The following MAGI1 variants were observed in gnomAD, a reference collection of about 807,000 sequenced individuals.
MAGI1 encodes the protein membrane associated guanylate kinase, WW and PDZ domain containing 1, also known as membrane-associated guanylate kinase, WW and PDZ domain-containing protein 1.
MAGI1 carries 58 observed loss-of-function variants against 139.9 expected under a neutral mutation model. The ratio of observed to expected loss-of-function variants is 0.41; its 90% CI spans 0.34 to 0.52. The LOEUF is 0.52. Ranked by LOEUF, MAGI1 falls within the 20% of genes least tolerant of loss-of-function variation. The pLI is 0.12. For missense variants in MAGI1, 1,874 were observed against 1,901.6 expected, an observed-to-expected ratio of 0.99 and a Z score of 0.27; for synonymous variants, 812 against 737.9, an observed-to-expected ratio of 1.10 and a Z score of -1.63.
intron 2 of MAGI1, among the ~76,000 whole-genome samples, chr3:65,590,857 T>G (rs2081935997): frequency 6.6e-6 from 1 of 152,174 alleles, no homozygotes; most frequent in Non-Finnish European, 1.5e-5. Flanking sequence ...TTTTTTCACC[T>G]ATCAAACCAG....
At chr3:65,961,922 A>G (rs1276412917) in intron 1 of MAGI1, among the ~76,000 whole-genome samples, 1 of 152,162 alleles carries the variant, frequency 6.6e-6, no homozygotes, top group Non-Finnish European at 1.5e-5. Context: ...GTTAGAGCTA[A>G]GAGTCTGGGA....
chr3:65,470,555 C>T (rs1348168236), intron 4 of MAGI1, 71 bp from the exon 5 acceptor site: 4 of 966,428 alleles, frequency 4.1e-6, no homozygotes, highest in African/African-American at 3.3e-5. Context: ...GCAATCATAC[C>T]CCATACCCGG....
intron 2 of MAGI1, among the ~76,000 whole-genome samples, chr3:65,613,697 C>G (rs989502367): frequency 2.0e-5 from 3 of 152,008 alleles, no homozygotes; most frequent in Non-Finnish European, 4.4e-5. Context: ...TGGGAAAAGG[C>G]AAAAAATGTG....
At chr3:65,906,327 T>A (rs2108646416) in intron 1 of MAGI1, among the ~76,000 whole-genome samples, 1 of 152,202 alleles carries the variant, frequency 6.6e-6, no homozygotes, top group Admixed American at 6.5e-5. Context: ...GAGGTTAGGA[T>A]GAGGCAGGCA....
chr3:65,610,231 A>G (rs2082977431), intron 2 of MAGI1, among the ~76,000 whole-genome samples: 1 of 152,138 alleles, frequency 6.6e-6, no homozygotes, highest in African/African-American at 2.4e-5. Context: ...AAGACACTGA[A>G]TGCCCACCTT....
At chr3:65,628,372 A>T (rs1559734918) in intron 1 of MAGI1, among the ~76,000 whole-genome samples, 1 of 152,116 alleles carries the variant, frequency 6.6e-6, no homozygotes, top group East Asian at 1.9e-4. Flanking sequence ...AAGTAAAATC[A>T]GCAAAGGAAA....
At chr3:65,907,048 T>G (rs814996) in intron 1 of MAGI1, among the ~76,000 whole-genome samples, 2,251 of 142,848 alleles carry the variant, frequency 0.016, 54 homozygotes, top group African/African-American at 0.054. Context: ...ATCTTGCCTC[T>G]TGTTTACAAA....
At chr3:65,841,268 T>C (rs192002946) in intron 1 of MAGI1, among the ~76,000 whole-genome samples, 57 of 152,208 alleles carry the variant, frequency 3.7e-4, no homozygotes, top group African/African-American at 1.3e-3. Flanking sequence ...TTTTCTGTTT[T>C]TAATTTCATT....
chr3:66,007,281 T>C (rs1257122618), intron 1 of MAGI1, among the ~76,000 whole-genome samples: 1 of 152,176 alleles, frequency 6.6e-6, no homozygotes, highest in African/African-American at 2.4e-5. Flanking sequence ...TATCTCATTG[T>C]CTCCTTTAAG....
intron 1 of MAGI1, among the ~76,000 whole-genome samples, chr3:65,689,575 A>G (rs1284820179): frequency 6.6e-6 from 1 of 152,238 alleles, no homozygotes; most frequent in Admixed American, 6.5e-5. Context: ...GGCAAAAGAC[A>G]CATCATCCCC....
intron 12 of MAGI1, among the ~76,000 whole-genome samples, chr3:65,420,545 A>C (rs568114689): frequency 9.9e-5 from 15 of 152,176 alleles, no homozygotes; most frequent in Middle Eastern, 3.4e-3. Context: ...TGTTTGTTTC[A>C]TTTGCAGATG....
intron 2 of MAGI1, among the ~76,000 whole-genome samples, chr3:65,505,584 C>G (rs960770133): frequency 4.6e-5 from 7 of 151,276 alleles, no homozygotes; most frequent in South Asian, 2.1e-4. Flanking sequence ...GAGGTTGAGA[C>G]AGCAGTGAGC....
At chr3:65,865,488 T>C (rs1300636683) in intron 1 of MAGI1, among the ~76,000 whole-genome samples, 6 of 152,090 alleles carry the variant, frequency 3.9e-5, no homozygotes, top group Non-Finnish European at 7.4e-5. Flanking sequence ...CCCAGCTACT[T>C]GGGAGACTGA....
intron 2 of MAGI1, among the ~76,000 whole-genome samples, chr3:65,615,022 C>CAA (rs1294046769): frequency 3.6e-5 from 3 of 83,026 alleles, no homozygotes; most frequent in Non-Finnish European, 5.0e-5. Context: ...ACTGTGTCTC[C>CAA]AAAAAAAAAA....
chr3:65,824,650 G>C (rs142377165), intron 1 of MAGI1, among the ~76,000 whole-genome samples: 5 of 152,248 alleles, frequency 3.3e-5, no homozygotes, highest in African/African-American at 1.2e-4. Flanking sequence ...ATTGAACAAA[G>C]AGACACAGTA....
intron 7 of MAGI1, among the ~76,000 whole-genome samples, chr3:65,445,145 A>C (rs1186761651): frequency 6.6e-6 from 1 of 152,238 alleles, no homozygotes; most frequent in Non-Finnish European, 1.5e-5. Context: ...AGAGATTTGA[A>C]GTGGCTAAGA....
chr3:65,929,340 A>T (rs531472791), intron 1 of MAGI1, among the ~76,000 whole-genome samples: 1 of 147,196 alleles, frequency 6.8e-6, no homozygotes, highest in Non-Finnish European at 1.5e-5. Flanking sequence ...GCAGATATCA[A>T]GGATGATTTT....
intron 2 of MAGI1, chr3:65,609,776 A>G (rs2082947877): frequency 5.8e-6 from 2 of 344,460 alleles, no homozygotes; most frequent in Non-Finnish European, 1.2e-5. Context: ...GGGGTCTCCC[A>G]ATGTTGCCCA....
chr3:65,427,569 G>T (rs929808697), intron 12 of MAGI1, among the ~76,000 whole-genome samples: 1 of 152,160 alleles, frequency 6.6e-6, no homozygotes. Context: ...TGAATCAGAG[G>T]TGCACCTGAT....
Sources: allele counts gnomAD v4.1 joint callset (sites outside exome capture counted in the v4.1 genomes callset), GRCh38; gene constraint gnomAD v4.1.1; transcripts MANE v1.5; gene names NCBI Gene and HGNC (gene_info 2026-07-23, HGNC 2026-07-21).